Variants in BICC1 observed in about 807,000 individuals in gnomAD.
The protein encoded by BICC1 is BicC family RNA binding protein 1, also known as protein bicaudal C homolog 1.
A neutral mutation model predicts 111.0 loss-of-function variants in BICC1; 43 were observed. That is an observed-to-expected ratio of 0.39 (90% CI 0.30 to 0.50). The LOEUF is 0.50. BICC1 is among the 20% of genes least tolerant of loss of function. The pLI, the probability that BICC1 is intolerant of heterozygous loss-of-function variation, is 0.88. For missense variants in BICC1, 1,091 were observed against 1,203.2 expected, an observed-to-expected ratio of 0.91 and a Z score of 1.38; for synonymous variants, 467 against 434.4, an observed-to-expected ratio of 1.07 and a Z score of -0.93.
At chr10:58,529,389 TTGA>T (rs1842624154) in intron 1 of BICC1, among the ~76,000 whole-genome samples, 1 of 151,910 alleles carries the variant, frequency 6.6e-6, no homozygotes, top group African/African-American at 2.4e-5. Context: ...TAATTGCTTG[TTGA>T]TTATTGAGAA....
intron 1 of BICC1, among the ~76,000 whole-genome samples, chr10:58,544,655 G>A (rs1023792368): frequency 6.6e-6 from 1 of 152,056 alleles, no homozygotes; most frequent in African/African-American, 2.4e-5. Context: ...ATACATATAT[G>A]CAACTAGAAC....
chr10:58,780,476 A>G (rs973891112), intron 3 of BICC1, among the ~76,000 whole-genome samples: 5 of 152,212 alleles, frequency 3.3e-5, no homozygotes, highest in Non-Finnish European at 7.3e-5. Flanking sequence ...TCATGGAGAC[A>G]GGAAAGTGGC....
chr10:58,795,516 T>C (rs1843324964), intron 9 of BICC1, among the ~76,000 whole-genome samples: 1 of 152,080 alleles, frequency 6.6e-6, no homozygotes, highest in Admixed American at 6.6e-5. Context: ...AGGAGTTCAG[T>C]AAGAAATGAG....
intron 20 of BICC1, chr10:58,823,992 C>T: frequency 3.0e-6 from 3 of 985,310 alleles, no homozygotes; most frequent in Non-Finnish European, 3.6e-6. Context: ...GTGTCTTTTG[C>T]TTGTAAAGAT....
At chr10:58,809,034 T>G (rs1304571951) in intron 17 of BICC1, among the ~76,000 whole-genome samples, 1 of 150,804 alleles carries the variant, frequency 6.6e-6, no homozygotes, top group Non-Finnish European at 1.5e-5. Flanking sequence ...TTTAAAAAAT[T>G]TTACTTTATT....
chr10:58,612,067 A>C (rs760872455), intron 1 of BICC1, among the ~76,000 whole-genome samples: 1 of 152,216 alleles, frequency 6.6e-6, no homozygotes, highest in Non-Finnish European at 1.5e-5. Flanking sequence ...AGGGTCTGAA[A>C]ATTCTCACAC....
chr10:58,523,199 T>C (rs1589059225), intron 1 of BICC1, among the ~76,000 whole-genome samples: 1 of 152,198 alleles, frequency 6.6e-6, no homozygotes, highest in African/African-American at 2.4e-5. Context: ...CCCTAACTCA[T>C]TTTATGAGGC....
chr10:58,581,844 T>A (rs1490920703), intron 1 of BICC1, among the ~76,000 whole-genome samples: 1 of 152,132 alleles, frequency 6.6e-6, no homozygotes, highest in Non-Finnish European at 1.5e-5. Context: ...TTAAAAAAAA[T>A]ACTTAAAAGT....
chr10:58,668,699 AC>A (rs1403137504), intron 2 of BICC1, among the ~76,000 whole-genome samples: 3 of 152,036 alleles, frequency 2.0e-5, no homozygotes, highest in Non-Finnish European at 4.4e-5. Context: ...GTTACAGTAA[AC>A]CAGAACCTAG....
At chr10:58,569,724 T>A (rs963763858) in intron 1 of BICC1, among the ~76,000 whole-genome samples, 14 of 152,184 alleles carry the variant, frequency 9.2e-5, no homozygotes, top group Admixed American at 7.9e-4. Flanking sequence ...CATGAACTTA[T>A]CCTTTTATAT....
At chr10:58,608,856 A>G (rs888977238) in intron 1 of BICC1, among the ~76,000 whole-genome samples, 3 of 152,226 alleles carry the variant, frequency 2.0e-5, no homozygotes, top group Non-Finnish European at 4.4e-5. Flanking sequence ...TAAATAAATA[A>G]AGAAATACAT....
chr10:58,758,244 C>T (rs890471707), intron 3 of BICC1, among the ~76,000 whole-genome samples: 4 of 152,060 alleles, frequency 2.6e-5, no homozygotes, highest in South Asian at 4.2e-4. Flanking sequence ...CATAAGTTTG[C>T]GGTTCCCAAG....
intron 3 of BICC1, among the ~76,000 whole-genome samples, chr10:58,781,984 C>T (rs1174459583): frequency 6.6e-6 from 1 of 152,134 alleles, no homozygotes. Context: ...GATTCAGACC[C>T]TGGAGGTAAA....
chr10:58,688,523 T>A (rs1204086046), intron 2 of BICC1, among the ~76,000 whole-genome samples: 2 of 152,156 alleles, frequency 1.3e-5, no homozygotes, highest in East Asian at 3.9e-4. Flanking sequence ...GGCAATCTCA[T>A]TACTGGGTAT....
At chr10:58,579,674 T>C (rs1844213739) in intron 1 of BICC1, among the ~76,000 whole-genome samples, 1 of 152,184 alleles carries the variant, frequency 6.6e-6, no homozygotes, top group Non-Finnish European at 1.5e-5. Flanking sequence ...TTTGAAGTAA[T>C]GGGAGTTTTC....
At chr10:58,777,844 A>G (rs1216061808) in intron 3 of BICC1, among the ~76,000 whole-genome samples, 1 of 152,170 alleles carries the variant, frequency 6.6e-6, no homozygotes, top group African/African-American at 2.4e-5. Flanking sequence ...TTGAATTTAA[A>G]ATACATTTGT....
At chr10:58,813,568 G>T (rs1385167690) in intron 17 of BICC1, among the ~76,000 whole-genome samples, 1 of 152,102 alleles carries the variant, frequency 6.6e-6, no homozygotes. Flanking sequence ...TATCCCGGAG[G>T]CTCTCAGAAC....
intron 3 of BICC1, among the ~76,000 whole-genome samples, chr10:58,753,535 C>G (rs1290683771): frequency 1.3e-5 from 2 of 152,074 alleles, no homozygotes; most frequent in Admixed American, 1.3e-4. Flanking sequence ...TGAGAGGGAT[C>G]CAATTTTTTT....
At chr10:58,547,915 A>AT (rs1843183825) in intron 1 of BICC1, among the ~76,000 whole-genome samples, 3 of 152,004 alleles carry the variant, frequency 2.0e-5, no homozygotes, top group South Asian at 2.1e-4. Context: ...AGAATCAATG[A>AT]TTTTTTCCAA....
Sources: allele counts gnomAD v4.1 joint callset (sites outside exome capture counted in the v4.1 genomes callset), GRCh38; gene constraint gnomAD v4.1.1; transcripts MANE v1.5; gene names NCBI Gene and HGNC (gene_info 2026-07-23, HGNC 2026-07-21).